LMAN1: variants seen among roughly 807,000 people sequenced by gnomAD.
LMAN1 encodes protein ERGIC-53.
A neutral mutation model predicts 67.8 loss-of-function variants in LMAN1; 32 were observed. The observed-to-expected ratio is 0.47, with a 90% CI of 0.36 to 0.63. The LOEUF (loss-of-function observed/expected upper bound fraction) is 0.63, where lower values mean the gene tolerates loss of function less well. LMAN1 is among the 30% of genes least tolerant of loss of function. LMAN1 has a pLI of 0.00. For synonymous variants in LMAN1, 235 were observed against 219.3 expected (o/e 1.07, Z -0.63); for missense variants, 632 against 628.2 (o/e 1.01, Z -0.06).
At chr18:59,346,358 C>T (rs1467476196) in intron 7 of LMAN1, among the ~76,000 whole-genome samples, 1 of 151,264 alleles carries the variant, frequency 6.6e-6, no homozygotes, top group African/African-American at 2.4e-5. Flanking sequence ...GTAGCTGGGA[C>T]AACAGGCACC....
At chr18:59,332,633 C>G (rs777822188) in intron 11 of LMAN1, among the ~76,000 whole-genome samples, 3 of 152,066 alleles carry the variant, frequency 2.0e-5, no homozygotes, top group Non-Finnish European at 4.4e-5. Flanking sequence ...TATGGGCCAA[C>G]CATATCCCAA....
At chr18:59,352,500 T>C (rs1908564707) in intron 5 of LMAN1, among the ~76,000 whole-genome samples, 1 of 152,214 alleles carries the variant, frequency 6.6e-6, no homozygotes, top group Non-Finnish European at 1.5e-5. Context: ...TACTGCCCTT[T>C]CAACCTCACT....
intron 11 of LMAN1, among the ~76,000 whole-genome samples, chr18:59,332,630 C>G (rs2144208472): frequency 6.6e-6 from 1 of 152,148 alleles, no homozygotes; most frequent in South Asian, 2.1e-4. Context: ...AAATATGGGC[C>G]AACCATATCC....
intron 8 of LMAN1, among the ~76,000 whole-genome samples, chr18:59,343,395 A>G (rs1228139476): frequency 6.6e-6 from 1 of 152,160 alleles, no homozygotes; most frequent in Non-Finnish European, 1.5e-5. Context: ...ACCTGACTTC[A>G]AATTATACTA....
At chr18:59,358,881 G>A in intron 1 of LMAN1, 150 bp downstream of exon 1, 3 of 777,228 alleles carry the variant, frequency 3.9e-6, no homozygotes, top group Middle Eastern at 7.1e-4. Context: ...ACCCGGCGGA[G>A]GGGCTGCCAG....
chr18:59,346,349 T>C (rs754539837), intron 7 of LMAN1, among the ~76,000 whole-genome samples: 35 of 150,746 alleles, frequency 2.3e-4, no homozygotes, highest in Non-Finnish European at 4.1e-4. Flanking sequence ...GCCTCCCGAG[T>C]AGCTGGGACA....
At chr18:59,353,384 G>T in intron 4 of LMAN1, 83 bp from the exon 5 acceptor site, 1 of 1,015,770 alleles carries the variant, frequency 9.8e-7, no homozygotes, top group East Asian at 2.4e-5. Flanking sequence ...ATAATATCAA[G>T]TTATGAAAAA....
rs1225139688 is a variant in LMAN1 at position 59,331,004 on chromosome 18, T to G, written c.*89A>C. 1 of 857,624 alleles carries G rather than the reference T, an allele frequency of 1.2e-6. No individual in the cohort carries two copies. Among genetic ancestry groups the G allele is most frequent in the Non-Finnish European group, 1.9e-6 (1 of 520,376 alleles). 53.1% of individuals were successfully genotyped at this position (857,624 alleles called of 1,614,324 possible). A position where few individuals can be genotyped will look rare whatever the true frequency, so the allele number is the denominator to read the frequency against. On this transcript the variant is annotated 3_prime_UTR_variant, in exon 13 of 13. Coordinates refer to ENST00000251047, the MANE Select transcript of LMAN1 (RefSeq NM_005570.4). ...TTATTTTATTAAGAAAATTAATAAT[T>G]TAGACTATGAAGCAATTTAAATACT...
chr18:59,350,964 A>G (rs556524215), intron 5 of LMAN1, among the ~76,000 whole-genome samples: 1 of 152,304 alleles, frequency 6.6e-6, no homozygotes, highest in Non-Finnish European at 1.5e-5. Context: ...ACCATTGTTA[A>G]AGACTACACT....
At chr18:59,339,670 T>C (rs764799124) in intron 8 of LMAN1, among the ~76,000 whole-genome samples, 18 of 152,184 alleles carry the variant, frequency 1.2e-4, no homozygotes, top group Non-Finnish European at 1.8e-4. Flanking sequence ...ACTGGGGATC[T>C]ACAGACATGG....
intron 5 of LMAN1, among the ~76,000 whole-genome samples, chr18:59,350,421 G>A (rs1333481291): frequency 2.0e-5 from 3 of 152,136 alleles, no homozygotes; most frequent in Non-Finnish European, 2.9e-5. Flanking sequence ...CAATTGTTCA[G>A]TATTTTTTTC....
At chr18:59,333,300 G>A in intron 10 of LMAN1, 56 bp from the exon 11 acceptor site, 3 of 1,282,846 alleles carry the variant, frequency 2.3e-6, no homozygotes. Context: ...TTTTTTTTCA[G>A]TCACAGATCT....
rs748240363 is a variant in LMAN1, at chr18:59,355,294, G to C, written c.477+19C>G. 29 of 1,549,880 alleles carry C rather than the reference G, an allele frequency of 1.9e-5. No individual in the cohort carries two copies. Among genetic ancestry groups the C allele is most frequent in the Non-Finnish European group, 2.6e-5 (29 of 1,125,056 alleles). On this transcript the variant is annotated intron_variant, in intron 3 of 12. Transcript: ENST00000251047. ...GATAGATGTATTAAAGTGGATAACAGTCCTGACAATAAATATACCTTTCCA... is the reference window on the plus strand; with the variant it reads ...GATAGATGTATTAAAGTGGATAACACTCCTGACAATAAATATACCTTTCCA...
intron 12 of LMAN1, 119 bp downstream of exon 12, chr18:59,331,299 C>G (rs2070745774): frequency 3.4e-6 from 4 of 1,188,124 alleles, no homozygotes; most frequent in South Asian, 1.3e-5. Context: ...ACAGAAATCA[C>G]AATAAACTTA....
At chr18:59,349,588 C>T (rs1377199299) in intron 5 of LMAN1, among the ~76,000 whole-genome samples, 2 of 152,122 alleles carry the variant, frequency 1.3e-5, no homozygotes, top group Non-Finnish European at 2.9e-5. Context: ...CCAGTGACAG[C>T]TAAAACCAAG....
Position 59,359,220 on chromosome 18 carries a change from G to A in LMAN1, c.25C>T (p.Leu9Phe), listed in dbSNP as rs955202044. The A allele has an allele frequency of 4.3e-6, 7 of 1,613,810 alleles. No individual in the cohort carries two copies. In the Admixed American group the frequency reaches 8.3e-5, roughly 19 times the overall value. The change falls in exon 1 of 13, where the codon CTC becomes TTC. Residue 9 changes from leucine to phenylalanine, a missense_variant. Coordinates refer to ENST00000251047, the MANE Select transcript of LMAN1 (RefSeq NM_005570.4). MAGSRQRG[L>F]RARVRPLFCA... Reference sequence around the variant, plus strand: ...AACAGCGGCCGAACTCTGGCCCGGAGACCCCTTTGCCTGGATCCCGCCATC... The same window carrying A: ...AACAGCGGCCGAACTCTGGCCCGGAAACCCCTTTGCCTGGATCCCGCCATC...
intron 10 of LMAN1, 191 bp from the exon 11 acceptor site, chr18:59,333,435 TA>T (rs569813040): frequency 5.5e-6 from 3 of 548,686 alleles, no homozygotes; most frequent in Non-Finnish European, 9.6e-6. Flanking sequence ...ATTATGCCTT[TA>T]TATTTTACTA....
chr18:59,356,051 A>ATC (rs542126249), intron 1 of LMAN1, among the ~76,000 whole-genome samples: 41 of 152,206 alleles, frequency 2.7e-4, no homozygotes, highest in Non-Finnish European at 4.7e-4. Context: ...ACCACTAGGA[A>ATC]TCAAGAGACT....
intron 4 of LMAN1, among the ~76,000 whole-genome samples, 196 bp downstream of exon 4, chr18:59,354,323 T>A (rs981240573): frequency 6.6e-6 from 1 of 152,218 alleles, no homozygotes; most frequent in African/African-American, 2.4e-5. Context: ...CATGGTTGAA[T>A]CTGAGATGGT....
Sources: allele counts gnomAD v4.1 joint callset (sites outside exome capture counted in the v4.1 genomes callset), GRCh38; gene constraint gnomAD v4.1.1; transcripts MANE v1.5; gene names NCBI Gene and HGNC (gene_info 2026-07-23, HGNC 2026-07-21).